The following GRM4 variants were observed in gnomAD, a reference collection of about 807,000 sequenced individuals.
GRM4 encodes the protein metabotropic glutamate receptor 4.
GRM4 carries 28 observed loss-of-function variants against 81.7 expected under a neutral mutation model. The observed-to-expected ratio is 0.34, with a 90% CI of 0.25 to 0.47. GRM4 has a LOEUF of 0.47. GRM4 is among the 20% of genes least tolerant of loss of function. The pLI, the probability that GRM4 is intolerant of heterozygous loss-of-function variation, is 1.00. For missense variants in GRM4, 948 were observed against 1,290.0 expected (o/e 0.73, Z 4.06); for synonymous variants, 488 against 528.8 (o/e 0.92, Z 1.06).
At chr6:34,040,863 C>G in intron 6 of GRM4, 115 bp from the exon 7 acceptor site, 3 of 814,750 alleles carry the variant, frequency 3.7e-6, no homozygotes, top group Non-Finnish European at 4.0e-6. Context: ...CCCATCTGTG[C>G]ATGGCCAGGC....
intron 1 of GRM4, among the ~76,000 whole-genome samples, chr6:34,139,115 TG>T (rs1172291260): frequency 1.3e-5 from 2 of 152,242 alleles, no homozygotes; most frequent in African/African-American, 4.8e-5. Flanking sequence ...AGAAGCACAG[TG>T]GGGGTCTGGC....
chr6:34,142,237 A>G (rs1368015020), intron 1 of GRM4, among the ~76,000 whole-genome samples: 2 of 152,122 alleles, frequency 1.3e-5, no homozygotes, highest in East Asian at 3.9e-4. Context: ...CCAGAGCTCC[A>G]ATGCCAGCTC....
chr6:34,110,309 CAAA>C (rs3041237), intron 2 of GRM4, among the ~76,000 whole-genome samples: 2 of 79,024 alleles, frequency 2.5e-5, no homozygotes, highest in Non-Finnish European at 4.6e-5. Flanking sequence ...CAACACCCAC[CAAA>C]AAAAAAAAAA....
intron 10 of GRM4, among the ~76,000 whole-genome samples, chr6:34,023,730 TC>T (rs1280297260): frequency 6.6e-6 from 1 of 152,052 alleles, no homozygotes; most frequent in Non-Finnish European, 1.5e-5. Flanking sequence ...AGTGTGAGTG[TC>T]CCCCACCCCT....
Position 34,064,831 on chromosome 6 carries a change from C to T in GRM4, c.737-2803G>A, listed in dbSNP as rs1298908786. On this transcript the variant is annotated intron_variant, in intron 3 of 10. Transcript: ENST00000538487. The surrounding 1 kb of genome is among the most constrained non-coding windows in gnomAD (Gnocchi z 4.4). ...CATGCGAGGCCCAGTCTCAATGAAT[C>T]CTTACACATTAGCCGGTGCTAATAT... Among the ~76,000 whole-genome samples, 1 of 152,150 alleles carries T rather than the reference C, an allele frequency of 6.6e-6. No homozygotes were observed. Among genetic ancestry groups the T allele is most frequent in the East Asian group, 1.9e-4 (1 of 5,192 alleles).
rs780263529 is a variant in GRM4 at position 34,036,607 on chromosome 6, G to A, written c.1507-4C>T. ...CCGGCCAGTGCATCCGCTCTATCTG[G>A]CAATGACAGCACCGTAAAGCAGGCC... On this transcript the variant is annotated splice_polypyrimidine_tract_variant and splice_region_variant and intron_variant, in intron 8 of 10. Transcript: ENST00000538487. This position sits in a 1 kb window ranked among gnomAD's most constrained non-coding sequence, Gnocchi z 9.0. 2 of 1,512,000 alleles carry A rather than the reference G, an allele frequency of 1.3e-6. No individual in the cohort carries two copies. Among genetic ancestry groups the A allele is most frequent in the East Asian group, 2.3e-5 (1 of 44,208 alleles). The allele number at this position is 1,512,000 out of a possible 1,614,324, so 93.7% of individuals were successfully genotyped here.
chr6:34,071,336 CAGAT>C (rs1364186488), intron 3 of GRM4, among the ~76,000 whole-genome samples: 3 of 108,446 alleles, frequency 2.8e-5, no homozygotes, highest in South Asian at 6.7e-4. Context: ...ACACATCACA[CAGAT>C]AAACACCGCA....
At chr6:34,126,228 T>C (rs975863157) in intron 2 of GRM4, among the ~76,000 whole-genome samples, 31 of 152,222 alleles carry the variant, frequency 2.0e-4, no homozygotes, top group African/African-American at 7.0e-4. Context: ...CTGTGTGACC[T>C]TGGGCAAGTT....
intron 1 of GRM4, among the ~76,000 whole-genome samples, chr6:34,141,970 C>T (rs1170294118): frequency 6.6e-6 from 1 of 152,114 alleles, no homozygotes; most frequent in Non-Finnish European, 1.5e-5. Flanking sequence ...GCTCGCAGGA[C>T]CAAGAAAAAG....
At chr6:34,102,087 C>G (rs1561813934) in intron 2 of GRM4, 11 of 1,535,634 alleles carry the variant, frequency 7.2e-6, no homozygotes, top group Non-Finnish European at 9.6e-6. Context: ...TTGGCGCCAT[C>G]ATGGGGAAAT....
In GRM4 at chr6:34,042,799, G is replaced by C. The variant is rs190138170; in HGVS notation, c.1169-2051C>G. ...CCTGAAGGCAGACCCAGGGTGCAGG[G>C]GATCTCACTGCCTCTCCCTGAGGCA... On this transcript the variant is annotated intron_variant, in intron 6 of 10. Coordinates refer to ENST00000538487, the MANE Select transcript of GRM4 (RefSeq NM_000841.4). The surrounding 1 kb of genome is among the most constrained non-coding windows in gnomAD (Gnocchi z 4.2). Among the ~76,000 whole-genome samples the C allele has an allele frequency of 3.2e-3, 491 of 152,178 alleles. 4 individuals are homozygous for C. Among genetic ancestry groups the C allele is most frequent in the Non-Finnish European group, 6.0e-3 (411 of 67,982 alleles).
Position 34,039,895 on chromosome 6 carries a change from C to T in GRM4, c.1506+283G>A, listed in dbSNP as rs563376065. ...GGTGTGAATTCTTCTATCCAGAGTCCCCCCATCCCCTCCTCAGTGGGTAGC... is the reference window on the plus strand; with the variant it reads ...GGTGTGAATTCTTCTATCCAGAGTCTCCCCATCCCCTCCTCAGTGGGTAGC... On this transcript the variant is annotated intron_variant, in intron 8 of 10. Transcript: ENST00000538487. Among the ~76,000 whole-genome samples the T allele has an allele frequency of 2.1e-3, 325 of 152,006 alleles. 1 individual carries two copies. Among genetic ancestry groups the T allele is most frequent in the Non-Finnish European group, 4.2e-3 (285 of 67,944 alleles).
rs1427963494 is a variant in GRM4, at chr6:34,028,273, G to A, written c.2536C>T (p.Leu846Phe). Reference sequence around the variant, plus strand: ...GGCACGTTCTGCTCCGGGTGGAAGAGGATGATGTAGACTTTGGGCATGTAG... The same window carrying A: ...GGCACGTTCTGCTCCGGGTGGAAGAAGATGATGTAGACTTTGGGCATGTAG... ...MLYMPKVYII[L>F]FHPEQNVPKR... The change falls in exon 10 of 11, where the codon CTC (leucine) becomes TTC (phenylalanine). Residue 846 changes from leucine (L) to phenylalanine (F), a missense_variant. Transcript: ENST00000538487. 2 of 1,613,906 alleles carry A rather than the reference G, an allele frequency of 1.2e-6. No homozygotes were observed. Among genetic ancestry groups the A allele is most frequent in the Non-Finnish European group, 1.7e-6 (2 of 1,180,008 alleles).
At chr6:34,123,665 G>A (rs1312299961) in intron 2 of GRM4, among the ~76,000 whole-genome samples, 3 of 152,222 alleles carry the variant, frequency 2.0e-5, no homozygotes, top group East Asian at 1.9e-4. Context: ...TGCTGTGCAC[G>A]CATTTCATCC....
chr6:34,155,240 CA>C lies in GRM4; in HGVS notation c.150del (p.Phe50LeufsTer21). 1.3e-6 allele frequency: 2 copies of C among 1,535,402 alleles called. No homozygotes were observed. The highest frequency in any genetic ancestry group is 1.7e-6 in the Non-Finnish European group (2 of 1,146,578). On this transcript the variant is annotated frameshift_variant, in exon 1 of 9. Coordinates refer to the GRM4 transcript ENST00000374177. LOFTEE classifies it high-confidence loss of function. ...CGCACCCACACACACCGGCAAAATC[CA>C]AAGGACCTGGGCGGGAGGCGGCAGG...
At chr6:34,023,349 G>A (rs947189365) in intron 10 of GRM4, among the ~76,000 whole-genome samples, 1 of 152,178 alleles carries the variant, frequency 6.6e-6, no homozygotes, top group Non-Finnish European at 1.5e-5. Context: ...TCAACCACAC[G>A]CATTTTGGAT....
chr6:34,076,885 G>C (rs1408039974), intron 3 of GRM4, among the ~76,000 whole-genome samples: 1 of 152,094 alleles, frequency 6.6e-6, no homozygotes, highest in Admixed American at 6.5e-5. Flanking sequence ...GGGGGACATG[G>C]GGGGTGGAAG....
At chr6:34,134,281 G>A (rs764629826) in intron 1 of GRM4, among the ~76,000 whole-genome samples, 78 of 152,296 alleles carry the variant, frequency 5.1e-4, no homozygotes, top group African/African-American at 1.7e-3. Context: ...CCTGAGTCAC[G>A]CAGGGAGTGT....
intron 2 of GRM4, among the ~76,000 whole-genome samples, chr6:34,109,116 C>T (rs1397315536): frequency 1.3e-5 from 2 of 152,202 alleles, no homozygotes; most frequent in African/African-American, 4.8e-5. Context: ...TGCCAAAGAT[C>T]GAAACCCTTC....
Sources: allele counts gnomAD v4.1 joint callset (sites outside exome capture counted in the v4.1 genomes callset), GRCh38; gene constraint gnomAD v4.1.1; non-coding constraint Gnocchi (gnomAD v3.1); transcripts MANE v1.5; gene names NCBI Gene and HGNC (gene_info 2026-07-23, HGNC 2026-07-21).